Variants in COG1 observed in about 807,000 individuals in gnomAD.
COG1 encodes component of oligomeric golgi complex 1.
A neutral mutation model predicts 102.2 loss-of-function variants in COG1; 61 were observed. The ratio of observed to expected loss-of-function variants is 0.60; its 90% confidence interval spans 0.49 to 0.74. COG1 has a LOEUF of 0.74. Among genes scored for constraint, COG1 ranks in the 30% least tolerant of loss-of-function variants. COG1 has a pLI of 0.00. For missense variants in COG1, 1,164 were observed against 1,232.1 expected, an observed-to-expected ratio of 0.94 and a Z score of 0.83; for synonymous variants, 454 against 493.6, an observed-to-expected ratio of 0.92 and a Z score of 1.06.
At chr17:73,199,018 C>G (rs1331459116) in intron 4 of COG1, among the ~76,000 whole-genome samples, 1 of 152,202 alleles carries the variant, frequency 6.6e-6, no homozygotes, top group African/African-American at 2.4e-5. Context: ...TCATCCCACT[C>G]AGGAAGGGTG....
In COG1 at chr17:73,206,749, C is replaced by T. The variant is rs767580566; in HGVS notation, c.2661C>T (p.Ala887=). The change falls in exon 12 of 14, where the codon GCC becomes GCT. Residue 887 remains alanine (A), a synonymous_variant. Transcript: ENST00000299886. ...GLVTGTENQL[A]PRSSTFNSQE... is the part of the protein sequence containing the mutation. ...TGACTGGTACAGAGAATCAGCTCGC[C>T]CCCCGGAGCAGTACGTTCAACTCCC... The T allele has an allele frequency of 7.4e-6, 12 of 1,613,374 alleles. No individual in the cohort carries two copies. The highest frequency in any genetic ancestry group is 2.2e-5 in the South Asian group (2 of 91,038).
intron 9 of COG1, among the ~76,000 whole-genome samples, chr17:73,204,970 C>G (rs1224095178): frequency 6.6e-6 from 1 of 152,154 alleles, no homozygotes; most frequent in Non-Finnish European, 1.5e-5. Context: ...CGAGACCAGC[C>G]TGACCAACAT....
intron 6 of COG1, 122 bp downstream of exon 6, chr17:73,200,898 A>G: frequency 5.9e-6 from 6 of 1,024,684 alleles, no homozygotes; most frequent in Admixed American, 3.9e-5. Context: ...ACAGATCCAG[A>G]GTCTAGAGCT....
In COG1 at chr17:73,208,376, G is replaced by A; in HGVS notation, c.2868G>A (p.Gln956=). 1 of 1,614,112 alleles carries A rather than the reference G, an allele frequency of 6.2e-7. No homozygotes were observed. Among genetic ancestry groups the A allele is most frequent in the East Asian group, 2.2e-5 (1 of 44,894 alleles). The change falls in exon 14 of 14, where the codon CAG becomes CAA. Residue 956 remains glutamine (Q), a synonymous_variant. Coordinates refer to ENST00000299886, the MANE Select transcript of COG1 (RefSeq NM_018714.3). ...DPTVPGSLFR[Q]LVSEEDNTSA... ...CAGTTCCTGGCTCCTTGTTCAGACA[G>A]CTTGTCAGTGAAGAAGACAACACGT...
intron 7 of COG1, among the ~76,000 whole-genome samples, 160 bp downstream of exon 7, chr17:73,202,060 G>A (rs1416709849): frequency 1.3e-5 from 2 of 152,112 alleles, no homozygotes; most frequent in African/African-American, 4.8e-5. Context: ...TTTTTTGGCC[G>A]GGCGCGGTGG....
At chr17:73,202,325 C>T (rs1053200300) in intron 7 of COG1, among the ~76,000 whole-genome samples, 11 of 139,262 alleles carry the variant, frequency 7.9e-5, no homozygotes, top group East Asian at 2.2e-4. Context: ...GGCAACAGGG[C>T]GAGACTCCGT....
In COG1 at chr17:73,193,284, G is replaced by A. The variant is rs1337842740; in HGVS notation, c.215G>A (p.Cys72Tyr). The change falls in exon 1 of 14, where the codon TGC (cysteine) becomes TAC (tyrosine). Residue 72 changes from cysteine to tyrosine, a missense_variant. Cys to Tyr is a radical substitution (Grantham distance 194, BLOSUM62 -2). Coordinates refer to ENST00000299886, the MANE Select transcript of COG1 (RefSeq NM_018714.3). The part of the protein sequence containing the change: ...AADTIGQMRR[C>Y]AVGLVDAVKA... ...GACACCATCGGCCAGATGCGCCGCT[G>A]CGCCGTGGGGCTAGTGGACGCCGTG... The A allele has an allele frequency of 6.2e-7, 1 of 1,600,970 alleles. No individual in the cohort carries two copies. Among genetic ancestry groups the A allele is most frequent in the Non-Finnish European group, 8.5e-7 (1 of 1,175,236 alleles).
intron 9 of COG1, chr17:73,205,017 G>A (rs185076076): frequency 1.2e-5 from 2 of 172,550 alleles, no homozygotes; most frequent in African/African-American, 4.8e-5. Flanking sequence ...ACAAAAATTA[G>A]CCGGGTGTGG....
intron 7 of COG1, 24 bp downstream of exon 7, chr17:73,201,924 C>G (rs780273741): frequency 6.2e-7 from 1 of 1,607,420 alleles, no homozygotes; most frequent in South Asian, 1.1e-5. Context: ...TTTCTTATCC[C>G]TGTCTTGTCT....
At chr17:73,207,674 T>G (rs1220992877) in intron 13 of COG1, 8 of 1,294,696 alleles carry the variant, frequency 6.2e-6, no homozygotes, top group Non-Finnish European at 8.1e-6. Context: ...AGTTTGACAT[T>G]TTCTTGTTAA....
At position 73,197,609 on chromosome 17, in the gene COG1, A is replaced by G. The variant is rs116849922; in HGVS notation, c.913+213A>G. ...TATCCATTTAGTGTCTATATTGGTC[A>G]TTGCTAGAAAGGCTTAGTACAAGTT... is the stretch of plus-strand genomic sequence containing the variant. On this transcript the variant is annotated intron_variant, in intron 4 of 13. Coordinates refer to ENST00000299886, the MANE Select transcript of COG1 (RefSeq NM_018714.3). 3.0e-4 allele frequency among the ~76,000 whole-genome samples: 46 copies of G among 152,344 alleles called. 1 individual carries two copies. In the East Asian group the frequency reaches 7.1e-3, roughly 24 times the overall value.
chr17:73,204,381 G>C (rs1299821926), intron 9 of COG1, among the ~76,000 whole-genome samples: 1 of 151,918 alleles, frequency 6.6e-6, no homozygotes, highest in East Asian at 1.9e-4. Flanking sequence ...CCCAGCCACA[G>C]CACACCTACC....
Position 73,196,943 on chromosome 17 carries a change from G to C in COG1, c.604G>C (p.Gly202Arg). 1.2e-6 allele frequency: 2 copies of C among 1,614,224 alleles called. No homozygotes were observed. Among genetic ancestry groups the C allele is most frequent in the Non-Finnish European group, 1.7e-6 (2 of 1,180,044 alleles). The change falls in exon 3 of 14, where the codon GGT becomes CGT. Residue 202 changes from glycine to arginine, a missense_variant. By Grantham distance (125) the Gly-to-Arg change is moderately radical (BLOSUM62 -2). Transcript: ENST00000299886. The stretch of plus-strand genomic sequence containing the variant: ...AAGCAAGATGTTGCTCAAATGCCAA[G>C]GTGTGTCTGACCAAGCTGTGGCCGA... ...HESKMLLKCQ[G>R]VSDQAVAEAL...
chr17:73,196,983 T>C lies in COG1; in HGVS notation c.644T>C (p.Ile215Thr). 1 of 1,614,236 alleles carries C rather than the reference T, an allele frequency of 6.2e-7. No individual in the cohort carries two copies. Among genetic ancestry groups the C allele is most frequent in the Non-Finnish European group, 8.5e-7 (1 of 1,180,044 alleles). The change falls in exon 3 of 14, where the codon ATA (isoleucine) becomes ACA (threonine). Residue 215 changes from isoleucine to threonine, a missense_variant. By Grantham distance (89) the Ile-to-Thr change is moderately conservative. Transcript: ENST00000299886. ...GCTGTGGCCGAGGCCCTGTGCTCTA[T>C]AATGCTCTTAGAAGAGAGTTCTCCT... ...DQAVAEALCS[I>T]MLLEESSPRQ...
Position 73,193,182 on chromosome 17 carries a change from G to A in COG1, c.113G>A (p.Arg38Gln), listed in dbSNP as rs761810855. 6.2e-7 allele frequency: 1 copy of A among 1,607,946 alleles called. No individual in the cohort carries two copies. Among genetic ancestry groups the A allele is most frequent in the South Asian group, 1.1e-5 (1 of 89,970 alleles). Residue 38 changes from arginine (R) to glutamine (Q), a missense_variant, in exon 1 of 14, where the codon CGG (arginine) becomes CAG (glutamine). Arg to Gln is a conservative substitution (Grantham distance 43). Transcript: ENST00000299886. ...ATCCGCGGGCTGGAGCGCCAGGTTCGGGCCGAGATCGAGCACAAGAAGGAG... is the reference window on the plus strand; with the variant it reads ...ATCCGCGGGCTGGAGCGCCAGGTTCAGGCCGAGATCGAGCACAAGAAGGAG... ...EEIRGLERQV[R>Q]AEIEHKKEEL...
In COG1 at chr17:73,193,286, G is replaced by C; in HGVS notation, c.217G>C (p.Ala73Pro). 1 of 1,600,844 alleles carries C rather than the reference G, an allele frequency of 6.2e-7. No homozygotes were observed. Among genetic ancestry groups the C allele is most frequent in the South Asian group, 1.1e-5 (1 of 89,070 alleles). Reference sequence around the variant, plus strand: ...CACCATCGGCCAGATGCGCCGCTGCGCCGTGGGGCTAGTGGACGCCGTGAA... The same window carrying C: ...CACCATCGGCCAGATGCGCCGCTGCCCCGTGGGGCTAGTGGACGCCGTGAA... ...ADTIGQMRRC[A>P]VGLVDAVKAT... The change falls in exon 1 of 14, where the codon GCC (alanine) becomes CCC (proline). Residue 73 changes from alanine (A) to proline (P), a missense_variant. Transcript: ENST00000299886.
intron 1 of COG1, among the ~76,000 whole-genome samples, chr17:73,195,631 A>AG (rs538321761): frequency 3.2e-4 from 48 of 150,354 alleles, no homozygotes; most frequent in South Asian, 2.1e-3. Context: ...AAAAAAAAAA[A>AG]GGCTGGGCGC....
chr17:73,204,204 G>A (rs1486094684), intron 9 of COG1, among the ~76,000 whole-genome samples: 1 of 152,164 alleles, frequency 6.6e-6, no homozygotes, highest in East Asian at 1.9e-4. Flanking sequence ...CAATGAAAAG[G>A]ATCAGAGCTT....
rs767566065 is a variant in COG1 at position 73,201,263 on chromosome 17, G to A, written c.1436G>A (p.Ser479Asn). 1.2e-6 allele frequency: 2 copies of A among 1,614,238 alleles called. No homozygotes were observed. Among genetic ancestry groups the A allele is most frequent in the South Asian group, 1.1e-5 (1 of 91,088 alleles). ...YNMSLFLWSE[S>N]PNDLPSDAAW... ...ATGTCGCTCTTCCTCTGGTCTGAGA[G>A]TCCTAATGACCTGCCTTCCGATGCG... The change falls in exon 7 of 14, where the codon AGT becomes AAT. Residue 479 changes from serine (S) to asparagine (N), a missense_variant. Transcript: ENST00000299886.
Sources: gnomAD v4.1 joint callset for allele counts (sites outside exome capture counted in the v4.1 genomes callset) on GRCh38, gnomAD v4.1.1 for gene constraint, MANE v1.5 for transcripts, NCBI Gene and HGNC (gene_info 2026-07-23, HGNC 2026-07-21) for gene names.